ZNG1E: variants seen among roughly 807,000 people sequenced by gnomAD.
The protein encoded by ZNG1E is Zn regulated GTPase metalloprotein activator 1E.
At chr9:65,665,405 T>G in the ZNG1E span, among the ~76,000 whole-genome samples, 1 of 152,276 alleles carries the variant, frequency 6.6e-6, no homozygotes, top group African/African-American at 2.4e-5. Flanking sequence ...CTTGGCAGCT[T>G]CCACATGGCT....
At chr9:65,714,117 C>T in the ZNG1E span, among the ~76,000 whole-genome samples, 18 of 149,366 alleles carry the variant, frequency 1.2e-4, no homozygotes, top group South Asian at 2.1e-4. Flanking sequence ...CATCTTCCAT[C>T]GCTGATACCC....
the ZNG1E span, among the ~76,000 whole-genome samples, chr9:65,710,932 A>G: frequency 1.4e-5 from 2 of 145,798 alleles, no homozygotes; most frequent in Non-Finnish European, 3.0e-5. Context: ...TTGAATCTGT[A>G]AATTACCTTG....
the ZNG1E span, chr9:65,703,875 C>A: frequency 4.2e-6 from 4 of 961,366 alleles, no homozygotes; most frequent in Non-Finnish European, 4.9e-6. Context: ...GGTATGCATT[C>A]TCAGGAGCCG....
the ZNG1E span, among the ~76,000 whole-genome samples, chr9:65,681,019 AC>A: frequency 9.2e-4 from 140 of 152,148 alleles, no homozygotes; most frequent in African/African-American, 3.2e-3. Flanking sequence ...CGATCTCCTG[AC>A]CTCGTGATCC....
chr9:65,679,591 T>G, the ZNG1E span: 2 of 380,286 alleles, frequency 5.3e-6, no homozygotes, highest in East Asian at 1.2e-4. Flanking sequence ...AGTCTCTCTC[T>G]GTCGCCAGGC....
the ZNG1E span, among the ~76,000 whole-genome samples, chr9:65,672,147 TTCC>T: frequency 2.0e-5 from 3 of 148,250 alleles, no homozygotes; most frequent in African/African-American, 7.5e-5. Context: ...AAGCCTCAAT[TTCC>T]TCATCTATAA....
the ZNG1E span, among the ~76,000 whole-genome samples, chr9:65,699,093 A>AT: frequency 4.3e-4 from 56 of 129,540 alleles, no homozygotes; most frequent in African/African-American, 4.6e-4. Flanking sequence ...ATTTTATTTT[A>AT]TTTTTTTTTA....
the ZNG1E span, among the ~76,000 whole-genome samples, chr9:65,721,080 T>C: frequency 6.7e-6 from 1 of 149,202 alleles, no homozygotes; most frequent in South Asian, 2.1e-4. Context: ...CCAAGAATCA[T>C]AGGGATGAAA....
At chr9:65,724,022 CCATAAGGAA>C in the ZNG1E span, among the ~76,000 whole-genome samples, 1 of 146,306 alleles carries the variant, frequency 6.8e-6, no homozygotes, top group African/African-American at 2.6e-5. Context: ...TGTTTATTCC[CCATAAGGAA>C]CACCTGGGTT....
chr9:65,659,506 A>C, the ZNG1E span, among the ~76,000 whole-genome samples: 1 of 151,538 alleles, frequency 6.6e-6, no homozygotes, highest in East Asian at 1.9e-4. Context: ...AAAAAAAAAA[A>C]AAAAAAAAGA....
chr9:65,673,974 T>C, the ZNG1E span, among the ~76,000 whole-genome samples: 1 of 152,402 alleles, frequency 6.6e-6, no homozygotes, highest in African/African-American at 2.4e-5. Flanking sequence ...GTGATGACTG[T>C]GGGTGCAATG....
the ZNG1E span, chr9:65,668,918 G>C: frequency 3.4e-5 from 3 of 88,930 alleles, no homozygotes; most frequent in African/African-American, 5.3e-5. Context: ...CAATGTGAAA[G>C]CTTATTTCTG....
the ZNG1E span, among the ~76,000 whole-genome samples, chr9:65,668,292 G>C: frequency 6.7e-6 from 1 of 149,510 alleles, no homozygotes; most frequent in Non-Finnish European, 1.5e-5. Flanking sequence ...CATGGCAGGG[G>C]CAAAGGTAAT....
the ZNG1E span, among the ~76,000 whole-genome samples, chr9:65,685,144 A>G: frequency 6.6e-6 from 1 of 152,278 alleles, no homozygotes; most frequent in African/African-American, 2.4e-5. Context: ...CCTTAATTAA[A>G]AATATTTATG....
At chr9:65,691,028 T>C in the ZNG1E span, 15 of 1,597,596 alleles carry the variant, frequency 9.4e-6, no homozygotes, top group Non-Finnish European at 1.3e-5. Flanking sequence ...ACCTTGATGG[T>C]AAGTTAAAAA....
chr9:65,658,664 T>C, the ZNG1E span, among the ~76,000 whole-genome samples: 1 of 149,320 alleles, frequency 6.7e-6, no homozygotes, highest in Non-Finnish European at 1.5e-5. Context: ...ATTAGTTTGC[T>C]AGAGCTGCAG....
At chr9:65,658,099 CAA>C in the ZNG1E span, among the ~76,000 whole-genome samples, 5 of 47,422 alleles carry the variant, frequency 1.1e-4, no homozygotes, top group Admixed American at 2.0e-4. Context: ...AACTCCGTCT[CAA>C]AAAAAAAAAA....
the ZNG1E span, among the ~76,000 whole-genome samples, chr9:65,660,663 A>G: frequency 1.3e-5 from 2 of 151,436 alleles, no homozygotes; most frequent in African/African-American, 2.4e-5. Context: ...GAATGAAGCT[A>G]TTGTGGTGTG....
chr9:65,662,177 C>T, the ZNG1E span, among the ~76,000 whole-genome samples: 6 of 152,242 alleles, frequency 3.9e-5, no homozygotes, highest in Admixed American at 6.5e-5. Flanking sequence ...AATATAAAAC[C>T]TGAATTTAAC....
Sources: gnomAD v4.1 joint callset for allele counts (sites outside exome capture counted in the v4.1 genomes callset) on GRCh38, gnomAD v4.1.1 for gene constraint, MANE v1.5 for transcripts, NCBI Gene and HGNC (gene_info 2026-07-23, HGNC 2026-07-21) for gene names.